Variants in NUCKS1 observed in about 807,000 individuals in gnomAD.
The protein encoded by NUCKS1 is nuclear casein kinase and cyclin dependent kinase substrate 1.
Under a neutral mutation model 33.0 loss-of-function variants are expected in NUCKS1, and 2 were observed. The observed-to-expected ratio is 0.06, with a 90% CI of 0.02 to 0.19. The LOEUF (loss-of-function observed/expected upper bound fraction) is 0.19. Among genes scored for constraint, NUCKS1 ranks in the 10% least tolerant of loss-of-function variants. The pLI is 1.00. For synonymous variants in NUCKS1, 106 were observed against 102.8 expected, an observed-to-expected ratio of 1.03 and a Z score of -0.19; for missense variants, 201 against 293.6, an observed-to-expected ratio of 0.68 and a Z score of 2.31.
intron 1 of NUCKS1, among the ~76,000 whole-genome samples, chr1:205,746,705 G>A (rs1654341354): frequency 6.6e-6 from 1 of 152,122 alleles, no homozygotes; most frequent in Non-Finnish European, 1.5e-5. Context: ...AAAGCAAACT[G>A]GAATCCTGGG....
intron 1 of NUCKS1, among the ~76,000 whole-genome samples, chr1:205,744,693 C>T (rs1164199671): frequency 7.8e-6 from 1 of 128,090 alleles, no homozygotes; most frequent in African/African-American, 3.1e-5. Flanking sequence ...AGTGCAATGG[C>T]GTGGTCTCGG....
At chr1:205,749,206 G>A (rs549829590) in intron 1 of NUCKS1, among the ~76,000 whole-genome samples, 1 of 152,338 alleles carries the variant, frequency 6.6e-6, no homozygotes, top group Non-Finnish European at 1.5e-5. Context: ...ATTTCCCCGA[G>A]GAAGGACATT....
chr1:205,742,049 G>A (rs2102446859), intron 1 of NUCKS1, among the ~76,000 whole-genome samples: 1 of 152,346 alleles, frequency 6.6e-6, no homozygotes, highest in South Asian at 2.1e-4. Flanking sequence ...CTCTAGAGCT[G>A]CAGCAAGTCC....
chr1:205,719,681 G>C lies in NUCKS1; in HGVS notation c.383-5C>G. 1 of 1,603,408 alleles carries C rather than the reference G, an allele frequency of 6.2e-7. No homozygotes were observed. Among genetic ancestry groups the C allele is most frequent in the Non-Finnish European group, 8.5e-7 (1 of 1,177,222 alleles). ...CTTCATCGCTGCCGGAATCTTCTGA[G>C]AAGAAAGAAGAATTTCAACATCTAA... On this transcript the variant is annotated splice_polypyrimidine_tract_variant and splice_region_variant and intron_variant, in intron 5 of 6. Coordinates refer to ENST00000367142, the MANE Select transcript of NUCKS1 (RefSeq NM_022731.5).
At chr1:205,748,668 T>C (rs1217097535) in intron 1 of NUCKS1, among the ~76,000 whole-genome samples, 1 of 152,204 alleles carries the variant, frequency 6.6e-6, no homozygotes, top group Non-Finnish European at 1.5e-5. Context: ...AGTTGGAGGA[T>C]GATCTAGTCT....
chr1:205,739,113 A>G (rs1654103087), intron 1 of NUCKS1, among the ~76,000 whole-genome samples: 1 of 152,228 alleles, frequency 6.6e-6, no homozygotes, highest in Non-Finnish European at 1.5e-5. Flanking sequence ...CCCTAATGTC[A>G]CAAGAGGAGC....
intron 2 of NUCKS1, among the ~76,000 whole-genome samples, chr1:205,728,501 A>G (rs2102435972): frequency 6.6e-6 from 1 of 152,364 alleles, no homozygotes; most frequent in South Asian, 2.1e-4. Context: ...ATAATAGTAT[A>G]TCACACATTA....
intron 4 of NUCKS1, among the ~76,000 whole-genome samples, chr1:205,721,995 TTTAGATTAA>T (rs1440094696): frequency 2.6e-5 from 4 of 152,104 alleles, no homozygotes; most frequent in Non-Finnish European, 5.9e-5. Context: ...AAAATACATA[TTTAGATTAA>T]TTAGTGAAAG....
At chr1:205,720,394 A>T in intron 5 of NUCKS1, 107 bp downstream of exon 5, 2 of 1,103,358 alleles carry the variant, frequency 1.8e-6, no homozygotes, top group African/African-American at 1.6e-5. Context: ...TACCCAATTT[A>T]AGGGACTGGT....
In NUCKS1 at chr1:205,726,483, T is replaced by TAG. The variant is rs1337807568; in HGVS notation, c.173+1215_173+1216dup. ...TGAAATGCTCCAGCAAAAAAAGTAT[T>TAG]AGAGGTTGTCAACATAAATAAAACT... On this transcript the variant is annotated intron_variant, in intron 3 of 6. Coordinates refer to ENST00000367142, the MANE Select transcript of NUCKS1 (RefSeq NM_022731.5). Among the ~76,000 whole-genome samples, 5 of 152,254 alleles carry TAG rather than the reference T, an allele frequency of 3.3e-5. 1 individual carries two copies. The South Asian group carries it at 1.0e-3, about 31-fold the overall frequency.
chr1:205,746,266 G>A (rs747669106), intron 1 of NUCKS1, among the ~76,000 whole-genome samples: 9 of 152,112 alleles, frequency 5.9e-5, no homozygotes, highest in African/African-American at 1.9e-4. Flanking sequence ...TTGCACTCCC[G>A]CCTGGGCAAC....
At chr1:205,747,096 C>A (rs557309234) in intron 1 of NUCKS1, among the ~76,000 whole-genome samples, 1 of 152,170 alleles carries the variant, frequency 6.6e-6, no homozygotes, top group Non-Finnish European at 1.5e-5. Flanking sequence ...AAAAATGTTA[C>A]ATACTATGTT....
chr1:205,735,857 G>GT (rs1443704883), intron 1 of NUCKS1, among the ~76,000 whole-genome samples: 2 of 152,128 alleles, frequency 1.3e-5, no homozygotes, highest in Admixed American at 6.5e-5. Flanking sequence ...TGAAAAATAT[G>GT]TAAGTCTTAA....
chr1:205,730,253 C>T (rs1386391555), intron 1 of NUCKS1, among the ~76,000 whole-genome samples: 1 of 151,782 alleles, frequency 6.6e-6, no homozygotes, highest in African/African-American at 2.4e-5. Context: ...CCTGGTGTTG[C>T]CCAGGCTGGT....
At chr1:205,731,784 C>G (rs372167412) in intron 1 of NUCKS1, among the ~76,000 whole-genome samples, 1 of 151,444 alleles carries the variant, frequency 6.6e-6, no homozygotes, top group African/African-American at 2.4e-5. Context: ...CCCAGCTACT[C>G]GGGAGGCTGA....
At chr1:205,744,503 C>G (rs945834053) in intron 1 of NUCKS1, among the ~76,000 whole-genome samples, 1 of 151,910 alleles carries the variant, frequency 6.6e-6, no homozygotes, top group Non-Finnish European at 1.5e-5. Context: ...AATCCACCAA[C>G]CCACAATTTA....
intron 1 of NUCKS1, among the ~76,000 whole-genome samples, chr1:205,740,279 A>AT (rs2102445395): frequency 6.6e-6 from 1 of 152,064 alleles, no homozygotes. Context: ...TGCTGGGATT[A>AT]TAGGCGTAAA....
chr1:205,740,496 T>C (rs1654141685), intron 1 of NUCKS1, among the ~76,000 whole-genome samples: 1 of 151,908 alleles, frequency 6.6e-6, no homozygotes, highest in Admixed American at 6.6e-5. Flanking sequence ...ACGCCTGTAG[T>C]CTCAGATACT....
At position 205,718,274 on chromosome 1, in the gene NUCKS1, T is replaced by C; in HGVS notation, c.*6A>G. 1.4e-5 allele frequency: 23 copies of C among 1,598,946 alleles called. No individual in the cohort carries two copies. The highest frequency in any genetic ancestry group is 1.9e-5 in the Non-Finnish European group (22 of 1,174,614). ...AATAAAATCTCTCCCCAGACCATCA[T>C]CACTTTTAATCCTCCCCAGAAGGGG... is the stretch of plus-strand genomic sequence containing the variant. On this transcript the variant is annotated 3_prime_UTR_variant, in exon 7 of 7. Transcript: ENST00000367142.
Sources: gnomAD v4.1 joint callset for allele counts (sites outside exome capture counted in the v4.1 genomes callset) on GRCh38, gnomAD v4.1.1 for gene constraint, MANE v1.5 for transcripts, NCBI Gene and HGNC (gene_info 2026-07-23, HGNC 2026-07-21) for gene names.